The following ALK variants were observed in gnomAD, a reference collection of about 807,000 sequenced individuals.
The protein encoded by ALK is ALK tyrosine kinase receptor.
A neutral mutation model predicts 163.1 loss-of-function variants in ALK; 74 were observed. That is an observed-to-expected ratio of 0.45 (90% confidence interval 0.38 to 0.55). The LOEUF is 0.55. Ranked by LOEUF, ALK falls within the 20% of genes least tolerant of loss-of-function variation. ALK has a pLI of 0.00. For missense variants in ALK, 2,063 were observed against 2,105.3 expected, an observed-to-expected ratio of 0.98 and a Z score of 0.39; for synonymous variants, 960 against 843.2, an observed-to-expected ratio of 1.14 and a Z score of -2.40.
intron 3 of ALK, among the ~76,000 whole-genome samples, chr2:29,649,452 T>C (rs779369032): frequency 2.6e-5 from 4 of 152,230 alleles, no homozygotes; most frequent in Middle Eastern, 6.8e-3. Context: ...TCAAAGCCAA[T>C]TGGAATTTCT....
intron 1 of ALK, among the ~76,000 whole-genome samples, chr2:29,874,148 G>A (rs1013687882): frequency 6.6e-6 from 1 of 152,140 alleles, no homozygotes; most frequent in African/African-American, 2.4e-5. Context: ...AAGGATTTAT[G>A]CATACAGAAG....
chr2:29,238,609 T>G lies in ALK; in HGVS notation c.2355+1071A>C, dbSNP rs73920746. ...GAGGTAGTGCCTGACAACCGCCATTTTTCCCCCTTTCCAAGTGCCTCCTCA... is the reference window on the plus strand; with the variant it reads ...GAGGTAGTGCCTGACAACCGCCATTGTTCCCCCTTTCCAAGTGCCTCCTCA... On this transcript the variant is annotated intron_variant, in intron 13 of 28. Transcript: ENST00000389048. 5.5e-3 allele frequency among the ~76,000 whole-genome samples: 831 copies of G among 152,302 alleles called. 5 individuals are homozygous for G. Among genetic ancestry groups the G allele is most frequent in the African/African-American group, 0.019 (792 of 41,560 alleles).
intron 3 of ALK, among the ~76,000 whole-genome samples, chr2:29,579,760 C>A (rs1324897061): frequency 2.0e-5 from 3 of 152,054 alleles, no homozygotes; most frequent in Non-Finnish European, 2.9e-5. Context: ...TTGAAAGACC[C>A]CCTCAGCAAA....
At chr2:29,705,276 T>TATATATAA (rs1678872293) in intron 2 of ALK, among the ~76,000 whole-genome samples, 2 of 48,776 alleles carry the variant, frequency 4.1e-5, no homozygotes, top group Non-Finnish European at 6.9e-5. Flanking sequence ...TATATATATA[T>TATATATAA]ATATAAATAT....
intron 3 of ALK, among the ~76,000 whole-genome samples, chr2:29,687,352 C>T (rs2148283606): frequency 6.6e-6 from 1 of 152,040 alleles, no homozygotes; most frequent in Admixed American, 6.5e-5. Flanking sequence ...TGTGCTGTCC[C>T]TAGGCAGGCA....
intron 3 of ALK, among the ~76,000 whole-genome samples, chr2:29,596,821 C>T (rs529066298): frequency 2.6e-5 from 4 of 152,170 alleles, no homozygotes; most frequent in Non-Finnish European, 4.4e-5. Context: ...AGAACTGAGA[C>T]CATGTGGGGA....
intron 6 of ALK, among the ~76,000 whole-genome samples, chr2:29,324,171 A>C (rs1017699984): frequency 2.6e-5 from 4 of 152,222 alleles, no homozygotes; most frequent in African/African-American, 4.8e-5. Flanking sequence ...TCAATCCTGC[A>C]ACATTTGGCA....
intron 3 of ALK, among the ~76,000 whole-genome samples, chr2:29,615,594 G>C (rs896258467): frequency 6.6e-6 from 1 of 152,172 alleles, no homozygotes; most frequent in African/African-American, 2.4e-5. Context: ...TATAGTTACT[G>C]TTGTTATCAA....
At chr2:29,903,931 A>C (rs534689018) in intron 1 of ALK, among the ~76,000 whole-genome samples, 1 of 152,320 alleles carries the variant, frequency 6.6e-6, no homozygotes, top group Admixed American at 6.5e-5. Flanking sequence ...TAGGATTTTA[A>C]TATGAAAAGG....
At chr2:29,852,504 C>A (rs1047136417) in intron 1 of ALK, among the ~76,000 whole-genome samples, 33 of 152,214 alleles carry the variant, frequency 2.2e-4, no homozygotes, top group Non-Finnish European at 4.1e-4. Flanking sequence ...TGAGACAGAT[C>A]TCTCAATCCC....
chr2:29,516,626 G>C (rs1416262409), intron 4 of ALK, among the ~76,000 whole-genome samples: 1 of 152,210 alleles, frequency 6.6e-6, no homozygotes, highest in Non-Finnish European at 1.5e-5. Context: ...ATATAGTGCA[G>C]TGGTGTCTGT....
chr2:29,604,164 T>G (rs917996233), intron 3 of ALK, among the ~76,000 whole-genome samples: 2 of 21,942 alleles, frequency 9.1e-5, no homozygotes, highest in Admixed American at 1.1e-3. Flanking sequence ...AATAGAGAAG[T>G]TTTTTTTTTT....
intron 1 of ALK, among the ~76,000 whole-genome samples, chr2:29,755,831 G>A (rs771802458): frequency 5.3e-4 from 80 of 152,234 alleles, no homozygotes; most frequent in Non-Finnish European, 8.5e-4. Flanking sequence ...AAGAGTCGCA[G>A]CACCTCAAGC....
rs565456184 is a variant in ALK at position 29,679,700 on chromosome 2, T to C, written c.952+15150A>G. On this transcript the variant is annotated intron_variant, in intron 3 of 28. Coordinates refer to ENST00000389048, the MANE Select transcript of ALK (RefSeq NM_004304.5). ...GTTTTATAATTGTGGATTTACATAA[T>C]TTTGTCTTTTAAGATGTTAAGAGAA... Among the ~76,000 whole-genome samples the C allele has an allele frequency of 2.0e-5, 3 of 150,142 alleles. No individual in the cohort carries two copies. In the East Asian group the frequency reaches 6.0e-4, roughly 30 times the overall value.
chr2:29,706,092 C>A (rs1678904393), intron 2 of ALK, among the ~76,000 whole-genome samples: 1 of 152,222 alleles, frequency 6.6e-6, no homozygotes. Flanking sequence ...TCACACAAGT[C>A]ACTTAAGCTT....
intron 1 of ALK, among the ~76,000 whole-genome samples, chr2:29,745,397 G>T (rs2148327624): frequency 6.6e-6 from 1 of 152,264 alleles, no homozygotes; most frequent in Admixed American, 6.5e-5. Context: ...CCCTGAAAAT[G>T]CTGGGCTCTA....
chr2:29,296,689 G>C (rs1441307206), intron 9 of ALK, among the ~76,000 whole-genome samples, 199 bp downstream of exon 9: 1 of 152,168 alleles, frequency 6.6e-6, no homozygotes, highest in Non-Finnish European at 1.5e-5. Flanking sequence ...CCTTGGAGAA[G>C]CTTGTAAACT....
intron 5 of ALK, among the ~76,000 whole-genome samples, chr2:29,376,867 C>T (rs1432985229): frequency 6.6e-6 from 1 of 152,192 alleles, no homozygotes; most frequent in African/African-American, 2.4e-5. Context: ...CCTCTTGTCC[C>T]CTTTCAGGCT....
intron 3 of ALK, among the ~76,000 whole-genome samples, chr2:29,536,969 TTCA>T (rs1192136331): frequency 6.6e-6 from 1 of 152,230 alleles, no homozygotes; most frequent in Non-Finnish European, 1.5e-5. Context: ...TAGCAGAGTG[TTCA>T]TGAGTGGTCT....
Sources: gnomAD v4.1 joint callset for allele counts (sites outside exome capture counted in the v4.1 genomes callset) on GRCh38, gnomAD v4.1.1 for gene constraint, MANE v1.5 for transcripts, NCBI Gene and HGNC (gene_info 2026-07-23, HGNC 2026-07-21) for gene names.